SLC38A1: variants seen among roughly 807,000 people sequenced by gnomAD.
The protein encoded by SLC38A1 is sodium-coupled neutral amino acid symporter 1.
A neutral mutation model predicts 60.3 loss-of-function variants in SLC38A1; 18 were observed. That is an observed-to-expected ratio of 0.30 (90% confidence interval 0.21 to 0.44). SLC38A1 has a LOEUF of 0.44. Among genes scored for constraint, SLC38A1 ranks in the 20% least tolerant of loss-of-function variants. The pLI is 1.00. For missense variants in SLC38A1, 448 were observed against 587.2 expected (o/e 0.76, Z 2.45); for synonymous variants, 196 against 212.1 (o/e 0.92, Z 0.66).
chr12:46,245,115 T>G (rs1325943129), intron 1 of SLC38A1, among the ~76,000 whole-genome samples: 1 of 152,210 alleles, frequency 6.6e-6, no homozygotes, highest in African/African-American at 2.4e-5. Flanking sequence ...ACAATACCAC[T>G]GCATCACTAT....
chr12:46,209,529 C>T (rs1026308851), intron 5 of SLC38A1, among the ~76,000 whole-genome samples: 1 of 152,100 alleles, frequency 6.6e-6, no homozygotes, highest in South Asian at 2.1e-4. Context: ...AGGAGAATGA[C>T]CACCTGACTT....
intron 16 of SLC38A1, among the ~76,000 whole-genome samples, chr12:46,190,058 G>A (rs946089917): frequency 6.6e-6 from 1 of 151,994 alleles, no homozygotes; most frequent in Admixed American, 6.6e-5. Flanking sequence ...ATTTATATTA[G>A]GTATTTCTCG....
At chr12:46,260,582 G>C (rs559270400) in intron 1 of SLC38A1, among the ~76,000 whole-genome samples, 1 of 152,248 alleles carries the variant, frequency 6.6e-6, no homozygotes, top group Non-Finnish European at 1.5e-5. Context: ...CTTCTGGACT[G>C]CTCCATTAGG....
chr12:46,184,055 T>C lies in SLC38A1; in HGVS notation c.*4915A>G, dbSNP rs1007997019. 6.6e-6 allele frequency: 1 copy of C among 152,632 alleles called. No individual in the cohort carries two copies. The highest frequency in any genetic ancestry group is 2.4e-5 in the African/African-American group (1 of 41,462). 9.5% of individuals were successfully genotyped at this position (152,632 alleles called of 1,614,324 possible). On this transcript the variant is annotated 3_prime_UTR_variant, in exon 17 of 17. Coordinates refer to ENST00000398637, the MANE Select transcript of SLC38A1 (RefSeq NM_030674.4). ...CTGCAATAAGCCTCAGCTGCATAGA[T>C]TCTTCCTTTAAAAACGTAAATTTGA... is the stretch of plus-strand genomic sequence containing the variant.
At chr12:46,230,912 T>G (rs1471264948) in intron 3 of SLC38A1, among the ~76,000 whole-genome samples, 1 of 152,076 alleles carries the variant, frequency 6.6e-6, no homozygotes, top group Non-Finnish European at 1.5e-5. Flanking sequence ...GAACTAAAAA[T>G]AGAACACCAT....
intron 5 of SLC38A1, among the ~76,000 whole-genome samples, chr12:46,219,200 C>T (rs764208328): frequency 6.6e-6 from 1 of 152,138 alleles, no homozygotes; most frequent in South Asian, 2.1e-4. Flanking sequence ...AAAGTTAGTT[C>T]GGCCTATGCC....
chr12:46,217,291 C>G (rs920345295), intron 5 of SLC38A1, among the ~76,000 whole-genome samples: 1 of 152,196 alleles, frequency 6.6e-6, no homozygotes, highest in Non-Finnish European at 1.5e-5. Flanking sequence ...CCCTACCCAT[C>G]ACGTTGCATT....
At chr12:46,226,549 T>G (rs1940869652) in intron 5 of SLC38A1, among the ~76,000 whole-genome samples, 1 of 151,036 alleles carries the variant, frequency 6.6e-6, no homozygotes. Context: ...GTCCAAAATC[T>G]GGGGGTAATA....
At chr12:46,225,240 G>A (rs547768850) in intron 5 of SLC38A1, among the ~76,000 whole-genome samples, 3 of 152,182 alleles carry the variant, frequency 2.0e-5, no homozygotes, top group Admixed American at 6.5e-5. Flanking sequence ...TGGGGATAAT[G>A]GAAGGGGTGA....
intron 1 of SLC38A1, among the ~76,000 whole-genome samples, chr12:46,244,716 G>A (rs1408204444): frequency 6.6e-6 from 1 of 152,204 alleles, no homozygotes; most frequent in East Asian, 1.9e-4. Flanking sequence ...CCAGTTGAAT[G>A]TGTTATGTTA....
In SLC38A1 at chr12:46,229,224, G is replaced by A. The variant is rs541201812; in HGVS notation, c.243C>T (p.Ser81=). ...AAATCCCACTGCCCATAATGGCGTTGCTTAGGTTAAAAACAGACATGCCTA... is the reference window on the plus strand; with the variant it reads ...AAATCCCACTGCCCATAATGGCGTTACTTAGGTTAAAAACAGACATGCCTA... ...TSLGMSVFNL[S]NAIMGSGILG... The change falls in exon 5 of 17, where the codon AGC becomes AGT. Residue 81 remains serine, a synonymous_variant. Coordinates refer to ENST00000398637, the MANE Select transcript of SLC38A1 (RefSeq NM_030674.4). The A allele has an allele frequency of 2.1e-5, 34 of 1,613,752 alleles. No individual in the cohort carries two copies. In the South Asian group the frequency reaches 3.3e-4, roughly 16 times the overall value.
Position 46,187,622 on chromosome 12 carries a change from C to G in SLC38A1, c.*1348G>C, listed in dbSNP as rs1167313701. 1 of 152,150 alleles carries G rather than the reference C, an allele frequency of 6.6e-6. No homozygotes were observed. Among genetic ancestry groups the G allele is most frequent in the Non-Finnish European group, 1.5e-5 (1 of 68,054 alleles). The allele number at this position is 152,150 out of a possible 1,614,324, so 9.4% of individuals were successfully genotyped here. ...AAGAGTACCAGGCAACTCTGTCCTC[C>G]TGCATGGACAGTTGAGACGGGCAGT... On this transcript the variant is annotated 3_prime_UTR_variant, in exon 17 of 17. Transcript: ENST00000398637.
At chr12:46,248,057 A>G (rs1418580899) in intron 1 of SLC38A1, among the ~76,000 whole-genome samples, 1 of 152,252 alleles carries the variant, frequency 6.6e-6, no homozygotes, top group Non-Finnish European at 1.5e-5. Flanking sequence ...GAAAGGAACA[A>G]CCAGTACCAG....
intron 1 of SLC38A1, among the ~76,000 whole-genome samples, chr12:46,252,007 T>C (rs918651627): frequency 6.6e-6 from 1 of 152,198 alleles, no homozygotes; most frequent in Admixed American, 6.5e-5. Flanking sequence ...CAAAGGATTA[T>C]AAATCTTGCT....
intron 1 of SLC38A1, among the ~76,000 whole-genome samples, chr12:46,245,195 G>A (rs533020606): frequency 2.6e-5 from 4 of 152,242 alleles, no homozygotes; most frequent in African/African-American, 9.6e-5. Flanking sequence ...TCTAAAACTT[G>A]TTATGAATCA....
chr12:46,241,464 C>G (rs145159910), intron 2 of SLC38A1, among the ~76,000 whole-genome samples: 1 of 152,204 alleles, frequency 6.6e-6, no homozygotes, highest in African/African-American at 2.4e-5. Context: ...CTGTAATGTG[C>G]CATAATATAC....
At chr12:46,189,696 AG>A (rs1348560439) in intron 16 of SLC38A1, among the ~76,000 whole-genome samples, 4 of 152,132 alleles carry the variant, frequency 2.6e-5, no homozygotes, top group Middle Eastern at 3.4e-3. Flanking sequence ...GTTACCTGGT[AG>A]GAGGTAATTG....
intron 9 of SLC38A1, 40 bp downstream of exon 9, chr12:46,206,040 G>T: frequency 8.3e-7 from 1 of 1,198,168 alleles, no homozygotes; most frequent in Non-Finnish European, 1.2e-6. Flanking sequence ...TGATTCACTT[G>T]GGCACTGCAG....
Position 46,268,109 on chromosome 12 carries a change from C to G in SLC38A1, c.-209+417G>C, listed in dbSNP as rs1214552233. Reference sequence around the variant, plus strand: ...GACACAGGAAATTTTCACCAAAGGCCGGGGATTCAAACACTCCCAGAACAC... The same window carrying G: ...GACACAGGAAATTTTCACCAAAGGCGGGGGATTCAAACACTCCCAGAACAC... On this transcript the variant is annotated intron_variant, in intron 1 of 16. Coordinates refer to ENST00000398637, the MANE Select transcript of SLC38A1 (RefSeq NM_030674.4). This position sits in a 1 kb window ranked among gnomAD's most constrained non-coding sequence, Gnocchi z 4.4. 2.0e-5 allele frequency among the ~76,000 whole-genome samples: 3 copies of G among 152,082 alleles called. No individual in the cohort carries two copies. Among genetic ancestry groups the G allele is most frequent in the Non-Finnish European group, 4.4e-5 (3 of 68,012 alleles).
Sources: gnomAD v4.1 joint callset for allele counts (sites outside exome capture counted in the v4.1 genomes callset) on GRCh38, gnomAD v4.1.1 for gene constraint, Gnocchi (gnomAD v3.1) non-coding constraint, MANE v1.5 for transcripts, NCBI Gene and HGNC (gene_info 2026-07-23, HGNC 2026-07-21) for gene names.